Variants in RIN2 observed in about 807,000 individuals in gnomAD.
RIN2 encodes Ras and Rab interactor 2, also known as RAB5 interacting protein 2.
A neutral mutation model predicts 78.0 loss-of-function variants in RIN2; 36 were observed. The observed-to-expected ratio is 0.46, with a 90% confidence interval of 0.35 to 0.61. RIN2 has a LOEUF of 0.61. RIN2 is among the 20% of genes least tolerant of loss of function. The pLI is 0.00. For synonymous variants in RIN2, 466 were observed against 466.8 expected (o/e 1.00, Z 0.02); for missense variants, 1,087 against 1,159.7 (o/e 0.94, Z 0.91).
At chr20:19,964,908 C>G (rs749571406) in intron 6 of RIN2, 44 bp from the exon 7 acceptor site, 5 of 1,544,148 alleles carry the variant, frequency 3.2e-6, no homozygotes, top group Non-Finnish European at 4.5e-6. Context: ...TGTCCCAGAA[C>G]GTGCTCAGGG....
At chr20:19,843,443 C>T (rs1354223578) in intron 2 of RIN2, among the ~76,000 whole-genome samples, 1 of 152,202 alleles carries the variant, frequency 6.6e-6, no homozygotes, top group African/African-American at 2.4e-5. Flanking sequence ...GATCAGCCAG[C>T]AGCCATCAAC....
At chr20:19,878,648 C>G (rs2037929903) in intron 2 of RIN2, among the ~76,000 whole-genome samples, 1 of 152,098 alleles carries the variant, frequency 6.6e-6, no homozygotes. Context: ...CATCTGTCCT[C>G]TTGCCTCAGT....
intron 2 of RIN2, among the ~76,000 whole-genome samples, chr20:19,862,723 T>C (rs765252998): frequency 1.2e-4 from 18 of 152,194 alleles, no homozygotes; most frequent in Non-Finnish European, 2.1e-4. Flanking sequence ...CATTGAATAA[T>C]TTTTTCTTTA....
chr20:19,949,690 G>A lies in RIN2; in HGVS notation c.159-6925G>A, dbSNP rs1010141661. Among the ~76,000 whole-genome samples, 6 of 152,200 alleles carry A rather than the reference G, an allele frequency of 3.9e-5. No individual in the cohort carries two copies. In the East Asian group the frequency reaches 7.7e-4, roughly 20 times the overall value. On this transcript the variant is annotated intron_variant, in intron 4 of 12. Coordinates refer to ENST00000255006, the MANE Select transcript of RIN2 (RefSeq NM_018993.4). ...AGATGTATGGTTGGGGATGCAGCTC[G>A]CGGGAGCGGGTGATGTAGGGGGAGG...
chr20:19,850,494 T>C (rs534869641), intron 2 of RIN2, among the ~76,000 whole-genome samples: 1 of 152,358 alleles, frequency 6.6e-6, no homozygotes, highest in Non-Finnish European at 1.5e-5. Context: ...TATTGTCTTC[T>C]TACCTTCTGT....
At chr20:19,838,848 C>T (rs115956764) in intron 2 of RIN2, among the ~76,000 whole-genome samples, 6 of 152,086 alleles carry the variant, frequency 3.9e-5, no homozygotes, top group Non-Finnish European at 8.8e-5. Context: ...AGGGTACCAC[C>T]GCCTCCCCAC....
chr20:19,996,867 T>C, intron 12 of RIN2, 25 bp downstream of exon 12: 1 of 1,549,764 alleles, frequency 6.5e-7, no homozygotes, highest in Non-Finnish European at 8.7e-7. Context: ...ACCCCTTTGC[T>C]TCCTTCGTCC....
At chr20:19,765,761 T>A (rs1437653020) in intron 1 of RIN2, among the ~76,000 whole-genome samples, 2 of 151,492 alleles carry the variant, frequency 1.3e-5, no homozygotes, top group Non-Finnish European at 2.9e-5. Flanking sequence ...CTCTTCCTTT[T>A]ATGAAGTAAG....
chr20:19,849,720 C>T (rs1365850736), intron 2 of RIN2, among the ~76,000 whole-genome samples: 1 of 152,082 alleles, frequency 6.6e-6, no homozygotes, highest in African/African-American at 2.4e-5. Flanking sequence ...TTTCAGCTGA[C>T]TCCCAAAAGG....
intron 2 of RIN2, among the ~76,000 whole-genome samples, chr20:19,824,116 G>C (rs926975979): frequency 6.6e-6 from 1 of 152,104 alleles, no homozygotes; most frequent in African/African-American, 2.4e-5. Flanking sequence ...TTGCATGCTG[G>C]ACCTGAGTGA....
chr20:19,860,278 GC>G (rs35959117), intron 2 of RIN2, among the ~76,000 whole-genome samples: 26,747 of 152,012 alleles, frequency 0.18, 2,725 homozygotes, highest in Non-Finnish European at 0.22. Context: ...TATCGGGTCT[GC>G]CCCTTTACAT....
intron 2 of RIN2, among the ~76,000 whole-genome samples, chr20:19,842,790 T>C (rs1028617342): frequency 2.0e-5 from 3 of 151,968 alleles, no homozygotes; most frequent in Non-Finnish European, 4.4e-5. Context: ...AAGAACTACA[T>C]TTTGTAAGGC....
intron 1 of RIN2, among the ~76,000 whole-genome samples, chr20:19,771,894 C>T (rs1327930641): frequency 6.6e-6 from 1 of 152,186 alleles, no homozygotes; most frequent in African/African-American, 2.4e-5. Context: ...TCTTGCCCTC[C>T]TCACTCTCTC....
At chr20:19,994,180 C>T (rs1160200099) in intron 11 of RIN2, among the ~76,000 whole-genome samples, 3 of 152,238 alleles carry the variant, frequency 2.0e-5, no homozygotes, top group African/African-American at 4.8e-5. Context: ...AGCCTGCTTC[C>T]ACTTAACCGT....
intron 2 of RIN2, among the ~76,000 whole-genome samples, chr20:19,833,189 G>A (rs551590511): frequency 3.6e-4 from 55 of 152,030 alleles, no homozygotes; most frequent in Admixed American, 5.2e-4. Flanking sequence ...GTAACAAACC[G>A]TCTTTTCAAT....
At chr20:19,862,954 C>A (rs1230887499) in intron 2 of RIN2, among the ~76,000 whole-genome samples, 2 of 152,214 alleles carry the variant, frequency 1.3e-5, no homozygotes, top group African/African-American at 4.8e-5. Context: ...AGCCAGCAGA[C>A]TTGTACCATG....
rs2035178628 is a variant in RIN2 at position 19,799,618 on chromosome 20, GTAGA to G, written c.-162-2_-161del. ...ACCCTGAATGGTCAATTTTTGTGTTGTAGATGGAGACGAGAGATCTGGACTTCTG... is the reference window on the plus strand; with the variant it reads ...ACCCTGAATGGTCAATTTTTGTGTTGTGGAGACGAGAGATCTGGACTTCTG... On this transcript the variant is annotated splice_acceptor_variant and splice_polypyrimidine_tract_variant and 5_prime_UTR_variant and intron_variant, in exon 2 of 13. Transcript: ENST00000255006. LOFTEE classifies it low-confidence loss of function (5UTR_SPLICE). 1.3e-5 allele frequency: 2 copies of G among 152,144 alleles called. No homozygotes were observed. The highest frequency in any genetic ancestry group is 6.5e-5 in the Admixed American group (1 of 15,278). The allele number at this position is 152,144 out of a possible 1,614,324, so 9.4% of individuals were successfully genotyped here. A position where few individuals can be genotyped will look rare whatever the true frequency, so the allele number is the denominator to read the frequency against.
chr20:19,878,945 T>A (rs1459848755), intron 2 of RIN2, among the ~76,000 whole-genome samples: 1 of 152,180 alleles, frequency 6.6e-6, no homozygotes, highest in Non-Finnish European at 1.5e-5. Context: ...ACCTGCCCTG[T>A]CTGGCCCCAC....
intron 4 of RIN2, among the ~76,000 whole-genome samples, chr20:19,952,742 A>G (rs942517649): frequency 3.3e-5 from 5 of 152,180 alleles, no homozygotes; most frequent in Admixed American, 2.0e-4. Flanking sequence ...ACACTGTCCA[A>G]TTTGGTCTTG....
Sources: gnomAD v4.1 joint callset for allele counts (sites outside exome capture counted in the v4.1 genomes callset) on GRCh38, gnomAD v4.1.1 for gene constraint, MANE v1.5 for transcripts, NCBI Gene and HGNC (gene_info 2026-07-23, HGNC 2026-07-21) for gene names.